CLEC2A: variants seen among roughly 807,000 people sequenced by gnomAD.
CLEC2A encodes C-type lectin domain family 2 member A.
Under a neutral mutation model 18.6 loss-of-function variants are expected in CLEC2A, and 19 were observed. The ratio of observed to expected loss-of-function variants is 1.02; its 90% CI spans 0.71 to 1.50. The LOEUF is 1.50. CLEC2A is among the 40% of genes most tolerant of loss of function. The pLI is 0.00. For missense variants in CLEC2A, 190 were observed against 207.9 expected, an observed-to-expected ratio of 0.91 and a Z score of 0.53; for synonymous variants, 74 against 64.0, an observed-to-expected ratio of 1.16 and a Z score of -0.75.
the CLEC2A span, among the ~76,000 whole-genome samples, chr12:9,890,265 T>C: frequency 6.6e-6 from 1 of 152,310 alleles, no homozygotes; most frequent in African/African-American, 2.4e-5. Flanking sequence ...CAGTTGGCAG[T>C]TTTACAACAT....
chr12:9,920,421 C>T (rs1011008852), intron 3 of CLEC2A, among the ~76,000 whole-genome samples: 1 of 152,114 alleles, frequency 6.6e-6, no homozygotes, highest in African/African-American at 2.4e-5. Flanking sequence ...ATCTCCTGAC[C>T]CGAGGGTTGC....
intron 4 of CLEC2A, among the ~76,000 whole-genome samples, chr12:9,906,347 G>C (rs555335516): frequency 6.6e-6 from 1 of 152,136 alleles, no homozygotes; most frequent in Non-Finnish European, 1.5e-5. Context: ...GGAAATAGCA[G>C]CCTGTTTGGC....
chr12:9,919,596 G>C (rs567383852), intron 3 of CLEC2A, among the ~76,000 whole-genome samples: 1 of 152,196 alleles, frequency 6.6e-6, no homozygotes, highest in African/African-American at 2.4e-5. Flanking sequence ...GCTCAATAGC[G>C]CTTGCGAGGG....
At chr12:9,916,127 G>C (rs1043562860) in intron 4 of CLEC2A, among the ~76,000 whole-genome samples, 1 of 151,546 alleles carries the variant, frequency 6.6e-6, no homozygotes, top group African/African-American at 2.4e-5. Context: ...CATTTGGAAA[G>C]CTAAAGACAA....
At chr12:9,881,417 T>C in the CLEC2A span, 4 of 536,480 alleles carry the variant, frequency 7.5e-6, no homozygotes, top group South Asian at 8.0e-5. Context: ...CCATTTTCAT[T>C]TACCAACACA....
At chr12:9,882,881 T>C in the CLEC2A span, among the ~76,000 whole-genome samples, 7 of 152,208 alleles carry the variant, frequency 4.6e-5, no homozygotes, top group East Asian at 1.3e-3. Context: ...TACTTTGATA[T>C]ATAATAAGAA....
the CLEC2A span, chr12:9,881,676 T>G: frequency 6.5e-7 from 1 of 1,527,268 alleles, no homozygotes; most frequent in Non-Finnish European, 8.8e-7. Context: ...GTAGGAATAC[T>G]GCTCCCCATC....
chr12:9,924,610 T>C (rs984819613), intron 2 of CLEC2A, among the ~76,000 whole-genome samples: 5 of 152,204 alleles, frequency 3.3e-5, no homozygotes, highest in African/African-American at 1.2e-4. Flanking sequence ...TGGATCTTTT[T>C]CACAAAATAA....
At chr12:9,884,968 G>T in the CLEC2A span, 1 of 1,329,144 alleles carries the variant, frequency 7.5e-7, no homozygotes, top group Non-Finnish European at 9.7e-7. Context: ...ATTGTCTTCT[G>T]CTCATATTTG....
At chr12:9,893,076 T>C in the CLEC2A span, 2 of 1,535,746 alleles carry the variant, frequency 1.3e-6, no homozygotes, top group African/African-American at 1.4e-5. Flanking sequence ...ATGTTACTGG[T>C]TTTCAACTTC....
chr12:9,927,297 G>A (rs7977466), intron 1 of CLEC2A, among the ~76,000 whole-genome samples: 6,555 of 152,104 alleles, frequency 0.043, 168 homozygotes, highest in Middle Eastern at 0.1. Context: ...ACATAGAAAA[G>A]GTACAGTGAA....
chr12:9,922,018 T>C, intron 3 of CLEC2A, 48 bp downstream of exon 3: 8 of 1,409,390 alleles, frequency 5.7e-6, no homozygotes, highest in Non-Finnish European at 7.6e-6. Flanking sequence ...TATTATGTTT[T>C]TATACAAACA....
At chr12:9,925,154 TG>T (rs1467438874) in intron 2 of CLEC2A, among the ~76,000 whole-genome samples, 1 of 152,252 alleles carries the variant, frequency 6.6e-6, no homozygotes, top group Non-Finnish European at 1.5e-5. Flanking sequence ...AAGGAAGACG[TG>T]CATGTCACGT....
At chr12:9,895,687 A>G (rs1453496863), downstream of CLEC2A, 11 of 1,522,716 alleles carry the variant, frequency 7.2e-6, no homozygotes, top group African/African-American at 1.5e-4. Context: ...TTTGTCTCTT[A>G]GGTTTTCAGT....
chr12:9,922,227 ATGTGGC>A lies in CLEC2A; in HGVS notation c.140-1_144del. 1 of 1,518,680 alleles carries A rather than the reference ATGTGGC, an allele frequency of 6.6e-7. No homozygotes were observed. The highest frequency in any genetic ancestry group is 1.4e-5 in the African/African-American group (1 of 71,506). 94.1% of individuals were successfully genotyped at this position (1,518,680 alleles called of 1,614,324 possible). On this transcript the variant is annotated splice_acceptor_variant and coding_sequence_variant, in exon 3 of 5. Coordinates refer to ENST00000455827, the MANE Select transcript of CLEC2A (RefSeq NM_001130711.2). LOFTEE classifies it high-confidence loss of function. ...GCCACAGGTTTAGCATGCTTGGACC[ATGTGGC>A]TGAAAAAAAAAGAAAGAAATGATCA...
intron 1 of CLEC2A, among the ~76,000 whole-genome samples, chr12:9,928,486 AAAG>A (rs767543139): frequency 4.6e-5 from 7 of 152,056 alleles, no homozygotes; most frequent in African/African-American, 4.8e-5. Flanking sequence ...AGAAAGAAAG[AAAG>A]AAGAAGGAAA....
chr12:9,916,693 A>G lies in CLEC2A; in HGVS notation c.410+7T>C. Reference sequence around the variant, plus strand: ...ATAAGAACATTGCTAATACATTGGAAACTCACCAACCATTGAATGTGGTGC... The same window carrying G: ...ATAAGAACATTGCTAATACATTGGAGACTCACCAACCATTGAATGTGGTGC... On this transcript the variant is annotated splice_region_variant and intron_variant, in intron 4 of 4. Transcript: ENST00000455827. 1 of 1,505,996 alleles carries G rather than the reference A, an allele frequency of 6.6e-7. No individual in the cohort carries two copies. The allele number at this position is 1,505,996 out of a possible 1,614,324, so 93.3% of individuals were successfully genotyped here.
chr12:9,922,941 T>C (rs1863198109), intron 2 of CLEC2A, among the ~76,000 whole-genome samples: 1 of 152,180 alleles, frequency 6.6e-6, no homozygotes, highest in Non-Finnish European at 1.5e-5. Flanking sequence ...TATTATTATT[T>C]TGTAGTGCTC....
Position 9,923,641 on chromosome 12 carries a change from T to C in CLEC2A, c.140-1409A>G, listed in dbSNP as rs144995446. 1.3e-3 allele frequency among the ~76,000 whole-genome samples: 205 copies of C among 152,258 alleles called. 2 individuals carry two copies. Among genetic ancestry groups the C allele is most frequent in the African/African-American group, 4.0e-3 (167 of 41,526 alleles). On this transcript the variant is annotated intron_variant, in intron 2 of 4. Coordinates refer to ENST00000455827, the MANE Select transcript of CLEC2A (RefSeq NM_001130711.2). Reference sequence around the variant, plus strand: ...GACACATACACACGTATGTTTATTGTGGCACTATTCACAATAGCAAAGACT... The same window carrying C: ...GACACATACACACGTATGTTTATTGCGGCACTATTCACAATAGCAAAGACT...
Sources: allele counts gnomAD v4.1 joint callset (sites outside exome capture counted in the v4.1 genomes callset), GRCh38; gene constraint gnomAD v4.1.1; transcripts MANE v1.5; gene names NCBI Gene and HGNC (gene_info 2026-07-23, HGNC 2026-07-21).